Variants in ZYG11A observed in about 807,000 individuals in gnomAD.
The protein encoded by ZYG11A is protein zyg-11 homolog A.
Under a neutral mutation model 77.2 loss-of-function variants are expected in ZYG11A, and 62 were observed. The ratio of observed to expected loss-of-function variants is 0.80; its 90% CI spans 0.65 to 0.99. The LOEUF (loss-of-function observed/expected upper bound fraction) is 0.99. ZYG11A is among the 50% of genes least tolerant of loss of function. The pLI is 0.00. For missense variants in ZYG11A, 828 were observed against 896.8 expected (o/e 0.92, Z 0.98); for synonymous variants, 315 against 324.6 (o/e 0.97, Z 0.32).
intron 8 of ZYG11A, among the ~76,000 whole-genome samples, chr1:52,867,987 G>C (rs1272669640): frequency 1.2e-5 from 1 of 84,598 alleles, no homozygotes; most frequent in Non-Finnish European, 1.9e-5. Context: ...TTTTTTTTGA[G>C]ACAGAGTCTC....
chr1:52,849,288 T>C (rs1645659171), intron 1 of ZYG11A, among the ~76,000 whole-genome samples: 1 of 152,102 alleles, frequency 6.6e-6, no homozygotes, highest in Non-Finnish European at 1.5e-5. Context: ...CAGGATGGTC[T>C]CAATCTCCTG....
At chr1:52,846,080 C>G (rs1645571570) in intron 1 of ZYG11A, among the ~76,000 whole-genome samples, 1 of 151,264 alleles carries the variant, frequency 6.6e-6, no homozygotes, top group South Asian at 2.1e-4. Context: ...TTAGAAAATA[C>G]CATGTTCTCT....
chr1:52,877,189 C>T (rs1431935318), intron 8 of ZYG11A, among the ~76,000 whole-genome samples: 1 of 152,130 alleles, frequency 6.6e-6, no homozygotes, highest in Non-Finnish European at 1.5e-5. Context: ...TCTTTTTCTT[C>T]TGGTCTCAGT....
intron 8 of ZYG11A, among the ~76,000 whole-genome samples, chr1:52,873,410 T>A (rs1646205172): frequency 6.6e-6 from 1 of 152,152 alleles, no homozygotes; most frequent in South Asian, 2.1e-4. Context: ...TGTGGATAAC[T>A]TCGAGGGGTC....
In ZYG11A at chr1:52,881,454, C is replaced by T. The variant is rs2150018066; in HGVS notation, c.1750-17C>T. 1 of 1,518,174 alleles carries T rather than the reference C, an allele frequency of 6.6e-7. No homozygotes were observed. The highest frequency in any genetic ancestry group is 8.9e-7 in the Non-Finnish European group (1 of 1,128,656). The allele number at this position is 1,518,174 out of a possible 1,614,324, so 94.0% of individuals were successfully genotyped here. A position where few individuals can be genotyped will look rare whatever the true frequency, so the allele number is the denominator to read the frequency against. On this transcript the variant is annotated splice_polypyrimidine_tract_variant and intron_variant, in intron 10 of 13. Coordinates refer to ENST00000371528, the MANE Select transcript of ZYG11A (RefSeq NM_001004339.3). The stretch of plus-strand genomic sequence containing the variant: ...CCCTTCTTGTCTCTGGGGTTCTCTG[C>T]TCCATCTGACCTGTAGAACAACATA...
rs1479328346 is a variant in ZYG11A, at chr1:52,854,449, G to C, written c.91-16G>C. 6.6e-7 allele frequency: 1 copy of C among 1,522,734 alleles called. No individual in the cohort carries two copies. The highest frequency in any genetic ancestry group is 2.5e-5 in the East Asian group (1 of 40,230). The allele number at this position is 1,522,734 out of a possible 1,614,324, so 94.3% of individuals were successfully genotyped here. The stretch of plus-strand genomic sequence containing the variant: ...GATGTATTCTAACAAAGTTTGTTTG[G>C]GGTTTTGTTTGCTAGGAAGAGGCAT... On this transcript the variant is annotated splice_polypyrimidine_tract_variant and intron_variant, in intron 1 of 13. Coordinates refer to ENST00000371528, the MANE Select transcript of ZYG11A (RefSeq NM_001004339.3).
intron 11 of ZYG11A, among the ~76,000 whole-genome samples, chr1:52,884,367 G>T: frequency 6.6e-6 from 1 of 151,940 alleles, no homozygotes; most frequent in East Asian, 1.9e-4. Context: ...GTGGTGGCGG[G>T]CACCTGTAGT....
chr1:52,877,614 C>G, intron 8 of ZYG11A, 68 bp from the exon 9 acceptor site: 1 of 1,385,576 alleles, frequency 7.2e-7, no homozygotes, highest in East Asian at 2.5e-5. Flanking sequence ...CTTAACATTG[C>G]TTTCCTTATA....
At position 52,868,514 on chromosome 1, in the gene ZYG11A, G is replaced by C. The variant is rs889128880; in HGVS notation, c.1542+737G>C. On this transcript the variant is annotated intron_variant, in intron 8 of 13. Transcript: ENST00000371528. ...TTATATCACTGGGCCGGGTGCTGTG[G>C]CTCACGCCTGTAATCCCAGTACTTT... Among the ~76,000 whole-genome samples, 10 of 152,252 alleles carry C rather than the reference G, an allele frequency of 6.6e-5. 1 individual carries two copies. Among genetic ancestry groups the C allele is most frequent in the African/African-American group, 2.4e-4 (10 of 41,566 alleles).
At chr1:52,881,366 G>C in intron 10 of ZYG11A, 105 bp from the exon 11 acceptor site, 1 of 791,974 alleles carries the variant, frequency 1.3e-6, no homozygotes, top group Non-Finnish European at 2.0e-6. Context: ...AAGAATAAGA[G>C]TTCTGAATTT....
chr1:52,854,374 C>T (rs763399385), intron 1 of ZYG11A, 91 bp from the exon 2 acceptor site: 2 of 1,183,654 alleles, frequency 1.7e-6, no homozygotes, highest in Admixed American at 2.8e-5. Flanking sequence ...CAGATACTCT[C>T]ATCAAGTGGA....
In ZYG11A at chr1:52,891,574, G is replaced by T. The variant is rs1227457452; in HGVS notation, c.2105-1208G>T. On this transcript the variant is annotated intron_variant, in intron 13 of 13. Transcript: ENST00000371528. Reference sequence around the variant, plus strand: ...AACTCAAACCTTATTACCCACTTGGGATTGTGGTCATGAGAAGATTTCTCC... The same window carrying T: ...AACTCAAACCTTATTACCCACTTGGTATTGTGGTCATGAGAAGATTTCTCC... Among the ~76,000 whole-genome samples the T allele has an allele frequency of 2.0e-5, 3 of 151,798 alleles. 1 individual carries two copies. The highest frequency in any genetic ancestry group is 7.3e-5 in the African/African-American group (3 of 41,140).
Position 52,877,662 on chromosome 1 carries a change from C to T in ZYG11A, c.1543-20C>T. On this transcript the variant is annotated intron_variant, in intron 8 of 13. Transcript: ENST00000371528. ...ATTCATTAGAGCATCTAACTCCCTC[C>T]CTGTCTCTTTGGTTTTTAGGAACTT... 6.5e-7 allele frequency: 1 copy of T among 1,540,682 alleles called. No individual in the cohort carries two copies. The highest frequency in any genetic ancestry group is 8.8e-7 in the Non-Finnish European group (1 of 1,142,422).
At chr1:52,874,121 GT>G (rs550906071) in intron 8 of ZYG11A, among the ~76,000 whole-genome samples, 98,848 of 152,000 alleles carry the variant, frequency 0.65, 33,293 homozygotes, top group African/African-American at 0.79. Flanking sequence ...ATCTTGATCA[GT>G]CGGCCACCAT....
chr1:52,851,914 A>ATT lies in ZYG11A; in HGVS notation c.91-2535_91-2534dup, dbSNP rs143301493. ...AGGCACCCGCCACCATGCCTTCCTA[A>ATT]TTTTTTTTTTTTTTTTTAATGATGG... On this transcript the variant is annotated intron_variant, in intron 1 of 13. Coordinates refer to ENST00000371528, the MANE Select transcript of ZYG11A (RefSeq NM_001004339.3). 4.5e-3 allele frequency among the ~76,000 whole-genome samples: 566 copies of ATT among 126,596 alleles called. 8 individuals are homozygous for ATT. The highest frequency in any genetic ancestry group is 0.016 in the African/African-American group (532 of 33,402). 83.1% of individuals were successfully genotyped at this position (126,596 alleles called of 152,430 possible).
At chr1:52,861,694 C>T (rs1157960327) in intron 4 of ZYG11A, among the ~76,000 whole-genome samples, 3 of 112,512 alleles carry the variant, frequency 2.7e-5, no homozygotes, top group Admixed American at 8.2e-5. Context: ...CAGAGCGAGA[C>T]TCAAAAAAAA....
chr1:52,876,886 C>G (rs935524588), intron 8 of ZYG11A, among the ~76,000 whole-genome samples: 1 of 152,160 alleles, frequency 6.6e-6, no homozygotes. Context: ...TCTTTTTCCT[C>G]TCACATGACA....
intron 3 of ZYG11A, among the ~76,000 whole-genome samples, 198 bp downstream of exon 3, chr1:52,857,947 T>C (rs1645848840): frequency 6.6e-6 from 1 of 151,934 alleles, no homozygotes. Flanking sequence ...TTTTTTGAGA[T>C]GGAGTAGTTT....
intron 13 of ZYG11A, among the ~76,000 whole-genome samples, chr1:52,892,189 GCGCCCAGCCACA>G (rs2150026086): frequency 2.2e-5 from 1 of 46,420 alleles, no homozygotes; most frequent in Admixed American, 2.4e-4. Context: ...GTGAGCCACT[GCGCCCAGCCACA>G]TCTGGGGGTT....
Sources: gnomAD v4.1 joint callset for allele counts (sites outside exome capture counted in the v4.1 genomes callset) on GRCh38, gnomAD v4.1.1 for gene constraint, MANE v1.5 for transcripts, NCBI Gene and HGNC (gene_info 2026-07-23, HGNC 2026-07-21) for gene names.